Variants in PSD3 observed in about 807,000 individuals in gnomAD.
PSD3 encodes the protein PH and SEC7 domain-containing protein 3.
A neutral mutation model predicts 105.5 loss-of-function variants in PSD3; 49 were observed. The ratio of observed to expected loss-of-function variants is 0.46; its 90% confidence interval spans 0.37 to 0.59. The LOEUF (loss-of-function observed/expected upper bound fraction) is 0.59. Ranked by LOEUF, PSD3 falls within the 20% of genes least tolerant of loss-of-function variation. PSD3 has a pLI of 0.00. For synonymous variants in PSD3, 557 were observed against 457.8 expected, an observed-to-expected ratio of 1.22 and a Z score of -2.77; for missense variants, 1,561 against 1,263.8, an observed-to-expected ratio of 1.24 and a Z score of -3.57.
chr8:18,878,719 T>C (rs922585666), intron 2 of PSD3, among the ~76,000 whole-genome samples: 2 of 152,158 alleles, frequency 1.3e-5, no homozygotes, highest in Admixed American at 6.5e-5. Context: ...TCACCAACTC[T>C]TGAAAAAAGT....
chr8:19,010,136 G>A (rs1826885302), intron 1 of PSD3, among the ~76,000 whole-genome samples: 1 of 152,180 alleles, frequency 6.6e-6, no homozygotes, highest in Admixed American at 6.5e-5. Context: ...AAACCAGATG[G>A]CTCAGGAGTG....
At chr8:18,650,433 G>T (rs1808387396) in intron 10 of PSD3, among the ~76,000 whole-genome samples, 1 of 152,196 alleles carries the variant, frequency 6.6e-6, no homozygotes, top group African/African-American at 2.4e-5. Context: ...TCAACAAATA[G>T]ATGCTTCACT....
chr8:19,010,795 C>G (rs1054902574), intron 1 of PSD3, among the ~76,000 whole-genome samples: 3 of 151,992 alleles, frequency 2.0e-5, no homozygotes, highest in Non-Finnish European at 2.9e-5. Flanking sequence ...TAAATGAAAG[C>G]CAGGCTGGTT....
intron 4 of PSD3, among the ~76,000 whole-genome samples, chr8:18,832,404 C>A (rs1813750581): frequency 6.6e-6 from 1 of 151,992 alleles, no homozygotes; most frequent in African/African-American, 2.4e-5. Flanking sequence ...AGATTCACAT[C>A]AGGATAAAAC....
chr8:18,628,442 A>C (rs949435112), intron 11 of PSD3, among the ~76,000 whole-genome samples: 1 of 151,904 alleles, frequency 6.6e-6, no homozygotes, highest in African/African-American at 2.4e-5. Context: ...ATCATCTTTA[A>C]GTATTGAAAG....
chr8:18,729,014 C>G (rs1461298561), intron 9 of PSD3, among the ~76,000 whole-genome samples: 1 of 152,154 alleles, frequency 6.6e-6, no homozygotes, highest in African/African-American at 2.4e-5. Context: ...GTGGAATTCA[C>G]AAGAAAACCT....
At position 18,584,958 on chromosome 8, in the gene PSD3, C is replaced by T. The variant is rs77224016; in HGVS notation, c.2482-9673G>A. 4.0e-4 allele frequency among the ~76,000 whole-genome samples: 61 copies of T among 152,224 alleles called. No individual in the cohort carries two copies. In the East Asian group the frequency reaches 8.7e-3, roughly 22 times the overall value. Reference sequence around the variant, plus strand: ...GTGTCTGATCTTTGGTAAAATTTCTCTAACTAGAAGACAAGTATGTAGAAG... The same window carrying T: ...GTGTCTGATCTTTGGTAAAATTTCTTTAACTAGAAGACAAGTATGTAGAAG... On this transcript the variant is annotated intron_variant, in intron 12 of 15. Coordinates refer to ENST00000327040, the MANE Select transcript of PSD3 (RefSeq NM_015310.4).
At chr8:18,556,166 A>T (rs1455769929) in intron 15 of PSD3, 43 bp downstream of exon 15, 1 of 1,605,440 alleles carries the variant, frequency 6.2e-7, no homozygotes, top group Non-Finnish European at 8.5e-7. Flanking sequence ...GATCATAAGA[A>T]AACTCAGAAA....
rs534233243 is a variant in PSD3 at position 18,696,801 on chromosome 8, T to C, written c.2173-41116A>G. Among the ~76,000 whole-genome samples, 5 of 152,272 alleles carry C rather than the reference T, an allele frequency of 3.3e-5. No homozygotes were observed. The East Asian group carries it at 7.7e-4, about 24-fold the overall frequency. On this transcript the variant is annotated intron_variant, in intron 9 of 15. Transcript: ENST00000327040. The stretch of plus-strand genomic sequence containing the variant: ...ACATCATTAGAGCTGGGGAAAAGTA[T>C]AGAATGGTACTGTCCAATAGAAGTC...
At chr8:18,912,522 T>A (rs980702866) in intron 2 of PSD3, among the ~76,000 whole-genome samples, 1 of 152,246 alleles carries the variant, frequency 6.6e-6, no homozygotes, top group African/African-American at 2.4e-5. Context: ...AAATCTTTAA[T>A]TTAGATATCT....
chr8:18,753,767 T>C (rs1381118870), intron 9 of PSD3, among the ~76,000 whole-genome samples: 1 of 152,154 alleles, frequency 6.6e-6, no homozygotes, highest in East Asian at 1.9e-4. Context: ...CCAATCTATT[T>C]CACACTCCCT....
intron 9 of PSD3, among the ~76,000 whole-genome samples, chr8:18,758,489 T>A (rs1432227863): frequency 2.0e-5 from 3 of 151,910 alleles, no homozygotes; most frequent in Non-Finnish European, 2.9e-5. Context: ...TTTTTGGGGT[T>A]TGAACTTACA....
intron 9 of PSD3, among the ~76,000 whole-genome samples, chr8:18,673,192 A>T (rs1799881576): frequency 6.6e-6 from 1 of 150,394 alleles, no homozygotes. Context: ...CTCTTAACAC[A>T]CACACCCATC....
chr8:18,685,667 T>C (rs1171712529), intron 9 of PSD3, among the ~76,000 whole-genome samples: 1 of 152,212 alleles, frequency 6.6e-6, no homozygotes, highest in Non-Finnish European at 1.5e-5. Context: ...AAAGTTACTA[T>C]TTTACAAAGC....
At chr8:18,627,819 C>T (rs891084474) in intron 11 of PSD3, among the ~76,000 whole-genome samples, 1 of 147,116 alleles carries the variant, frequency 6.8e-6, no homozygotes, top group Non-Finnish European at 1.5e-5. Flanking sequence ...GAAAAAAAAA[C>T]CAACTATGAC....
At chr8:19,034,787 C>T (rs953124114) in intron 1 of PSD3, among the ~76,000 whole-genome samples, 1 of 152,180 alleles carries the variant, frequency 6.6e-6, no homozygotes, top group African/African-American at 2.4e-5. Context: ...CACACGTTCA[C>T]TCTGGTCTGG....
At chr8:18,820,877 C>CTGAG (rs5889825) in intron 4 of PSD3, among the ~76,000 whole-genome samples, 144,620 of 152,026 alleles carry the variant, frequency 0.95, 69,042 homozygotes, top group Non-Finnish European at 0.99. Context: ...CTTCAGCCTC[C>CTGAG]TAACTGGGAC....
chr8:18,697,258 A>G (rs1801312933), intron 9 of PSD3, among the ~76,000 whole-genome samples: 1 of 152,172 alleles, frequency 6.6e-6, no homozygotes, highest in African/African-American at 2.4e-5. Context: ...GAGTGGCGAC[A>G]ATACTGGGTA....
chr8:18,659,864 A>G (rs762517020), intron 9 of PSD3, among the ~76,000 whole-genome samples: 1 of 152,116 alleles, frequency 6.6e-6, no homozygotes, highest in East Asian at 1.9e-4. Context: ...ATCTCCAGCT[A>G]TGTGAGGGGT....
Sources: allele counts gnomAD v4.1 joint callset (sites outside exome capture counted in the v4.1 genomes callset), GRCh38; gene constraint gnomAD v4.1.1; transcripts MANE v1.5; gene names NCBI Gene and HGNC (gene_info 2026-07-23, HGNC 2026-07-21).